The following LRSAM1 variants were observed in gnomAD, a reference collection of about 807,000 sequenced individuals.
LRSAM1 encodes leucine rich repeat and sterile alpha motif containing 1, also known as E3 ubiquitin-protein ligase LRSAM1.
A neutral mutation model predicts 118.1 loss-of-function variants in LRSAM1; 96 were observed. The ratio of observed to expected loss-of-function variants is 0.81; its 90% CI spans 0.69 to 0.96. The LOEUF (loss-of-function observed/expected upper bound fraction) is 0.96. Among genes scored for constraint, LRSAM1 ranks in the 40% least tolerant of loss-of-function variants. LRSAM1 has a pLI of 0.00. For synonymous variants in LRSAM1, 322 were observed against 364.2 expected (o/e 0.88, Z 1.32); for missense variants, 804 against 915.5 (o/e 0.88, Z 1.57).
chr9:127,479,092 C>G, intron 12 of LRSAM1, 129 bp downstream of exon 12: 1 of 1,005,244 alleles, frequency 9.9e-7, no homozygotes, highest in Non-Finnish European at 1.5e-6. Context: ...CTTCCTCTTA[C>G]ACGCAGTCTG....
intron 17 of LRSAM1, 198 bp from the exon 18 acceptor site, chr9:127,487,478 G>T (rs543612655): frequency 3.6e-6 from 2 of 552,950 alleles, no homozygotes; most frequent in East Asian, 6.7e-5. Flanking sequence ...CTCCCAACTC[G>T]ATCCCCTTCC....
intron 23 of LRSAM1, 54 bp from the exon 24 acceptor site, chr9:127,497,199 C>T (rs1403489262): frequency 3.2e-6 from 5 of 1,585,184 alleles, no homozygotes; most frequent in Non-Finnish European, 4.3e-6. Context: ...TGGCTCACAC[C>T]ATTTAGCGGG....
At chr9:127,484,415 G>A (rs1005019003) in intron 16 of LRSAM1, among the ~76,000 whole-genome samples, 1 of 152,032 alleles carries the variant, frequency 6.6e-6, no homozygotes, top group African/African-American at 2.4e-5. Context: ...CCAGGCTGGA[G>A]GGCAGTGGTG....
chr9:127,476,614 G>A (rs1835358035), intron 11 of LRSAM1, among the ~76,000 whole-genome samples: 1 of 152,116 alleles, frequency 6.6e-6, no homozygotes, highest in African/African-American at 2.4e-5. Flanking sequence ...CCAGTGGCTG[G>A]AGTGGGAAGA....
At position 127,496,040 on chromosome 9, in the gene LRSAM1, A is replaced by T. The variant is rs1039132247; in HGVS notation, c.1775A>T (p.His592Leu). The change falls in exon 23 of 26, where the codon CAC becomes CTC. Residue 592 changes from histidine to leucine, a missense_variant. Physicochemically the swap from His to Leu is moderately conservative, Grantham distance 99. Coordinates refer to ENST00000300417, the MANE Select transcript of LRSAM1 (RefSeq NM_001005373.4). ...GAGCACTACCTGCCCATCTTTGCGC[A>T]CCACCGCCTCTCACTGGACCTGCTG... is the stretch of plus-strand genomic sequence containing the variant. Reference protein sequence around the residue: ...SAEHYLPIFAHHRLSLDLLSQ... With the variant: ...SAEHYLPIFALHRLSLDLLSQ... The T allele has an allele frequency of 6.2e-7, 1 of 1,612,004 alleles. No homozygotes were observed. Among genetic ancestry groups the T allele is most frequent in the Admixed American group, 1.7e-5 (1 of 59,982 alleles).
chr9:127,501,469 C>T (rs564793870), intron 25 of LRSAM1, among the ~76,000 whole-genome samples: 9 of 152,144 alleles, frequency 5.9e-5, no homozygotes, highest in Non-Finnish European at 1.0e-4. Flanking sequence ...TGGTGGCTCA[C>T]GCCTGTAATC....
chr9:127,492,670 C>A, intron 20 of LRSAM1, 132 bp from the exon 21 acceptor site: 1 of 806,240 alleles, frequency 1.2e-6, no homozygotes, highest in Admixed American at 2.0e-5. Context: ...TAGCTTTGTC[C>A]CCCAACGCAG....
chr9:127,473,556 G>T (rs1372714857), intron 10 of LRSAM1, among the ~76,000 whole-genome samples: 2 of 152,178 alleles, frequency 1.3e-5, no homozygotes, highest in Non-Finnish European at 2.9e-5. Context: ...TTCTCACTTG[G>T]ATGGTAAAGA....
intron 10 of LRSAM1, 126 bp from the exon 11 acceptor site, chr9:127,473,675 G>A (rs1431073392): frequency 4.4e-6 from 6 of 1,354,160 alleles, no homozygotes; most frequent in Non-Finnish European, 6.3e-6. Context: ...AAGCGCCCAG[G>A]CTAGGGAAGA....
chr9:127,459,222 T>G (rs542947598), intron 7 of LRSAM1, 151 bp downstream of exon 7: 31 of 739,500 alleles, frequency 4.2e-5, no homozygotes, highest in African/African-American at 3.4e-4. Context: ...TTGGGGTTTT[T>G]TTTTTTTTTT....
intron 8 of LRSAM1, 43 bp from the exon 9 acceptor site, chr9:127,462,209 T>C: frequency 5.0e-6 from 8 of 1,611,908 alleles, no homozygotes; most frequent in South Asian, 3.3e-5. Flanking sequence ...AAGCTGGTGA[T>C]GGGGATTTGG....
intron 22 of LRSAM1, among the ~76,000 whole-genome samples, 153 bp downstream of exon 22, chr9:127,495,571 G>A (rs541468810): frequency 2.6e-5 from 4 of 152,322 alleles, no homozygotes; most frequent in South Asian, 2.1e-4. Flanking sequence ...AGACAGAAGC[G>A]AGAGTAAGGG....
intron 8 of LRSAM1, 122 bp downstream of exon 8, chr9:127,461,379 G>A (rs1297992900): frequency 1.0e-5 from 8 of 778,116 alleles, no homozygotes; most frequent in Admixed American, 2.0e-5. Context: ...TCCGGGGGTC[G>A]CTGTAAATGG....
chr9:127,471,471 AT>A (rs1163739852), intron 10 of LRSAM1, among the ~76,000 whole-genome samples: 1 of 54,110 alleles, frequency 1.8e-5, no homozygotes, highest in African/African-American at 7.3e-5. Flanking sequence ...ACCTTATGTT[AT>A]AAAAAAAAAA....
chr9:127,497,364 C>G, intron 24 of LRSAM1, 30 bp downstream of exon 24: 1 of 1,601,212 alleles, frequency 6.2e-7, no homozygotes, highest in Non-Finnish European at 8.5e-7. Context: ...CTCTTCCAGG[C>G]AGGGCTCCAG....
intron 7 of LRSAM1, among the ~76,000 whole-genome samples, chr9:127,459,687 T>C (rs1834663204): frequency 6.6e-6 from 1 of 151,782 alleles, no homozygotes; most frequent in South Asian, 2.1e-4. Flanking sequence ...GCCTCCTGAG[T>C]ATCTGGGATT....
At chr9:127,476,952 C>T (rs1311815982) in intron 11 of LRSAM1, among the ~76,000 whole-genome samples, 2 of 152,170 alleles carry the variant, frequency 1.3e-5, no homozygotes, top group Non-Finnish European at 2.9e-5. Context: ...GCTGGGATTA[C>T]AGGCATGAGC....
In LRSAM1 at chr9:127,462,343, G is replaced by T. The variant is rs140809697; in HGVS notation, c.498G>T (p.Pro166=). ...GTGGAAACGAGATCCAGAGATTGCCGCAGATGCTGGCTCACGTTCGAACCC... is the reference window on the plus strand; with the variant it reads ...GTGGAAACGAGATCCAGAGATTGCCTCAGATGCTGGCTCACGTTCGAACCC... The part of the protein sequence containing the change: ...NISGNEIQRL[P]QMLAHVRTLE... Residue 166 remains proline, a synonymous_variant, in exon 9 of 26, where the codon CCG becomes CCT. Transcript: ENST00000300417. 4.3e-6 allele frequency: 7 copies of T among 1,614,008 alleles called. No individual in the cohort carries two copies. Among genetic ancestry groups the T allele is most frequent in the Non-Finnish European group, 4.2e-6 (5 of 1,179,974 alleles).
intron 24 of LRSAM1, among the ~76,000 whole-genome samples, chr9:127,499,537 A>AAAT (rs1554762092): frequency 8.7e-6 from 1 of 115,184 alleles, no homozygotes; most frequent in African/African-American, 2.9e-5. Flanking sequence ...TCTAAAAAAA[A>AAAT]ATATATATAT....
Sources: allele counts gnomAD v4.1 joint callset (sites outside exome capture counted in the v4.1 genomes callset), GRCh38; gene constraint gnomAD v4.1.1; transcripts MANE v1.5; gene names NCBI Gene and HGNC (gene_info 2026-07-23, HGNC 2026-07-21).